MEIOB: variants seen among roughly 807,000 people sequenced by gnomAD.
The protein encoded by MEIOB is meiosis specific with OB-fold.
MEIOB carries 50 observed loss-of-function variants against 53.1 expected under a neutral mutation model. The ratio of observed to expected loss-of-function variants is 0.94; its 90% CI spans 0.75 to 1.19. MEIOB has a LOEUF of 1.19. MEIOB is among the 50% of genes most tolerant of loss of function. MEIOB has a pLI of 0.00. For synonymous variants in MEIOB, 192 were observed against 182.5 expected (o/e 1.05, Z -0.42); for missense variants, 551 against 550.8 (o/e 1.00, Z 0.00).
chr16:1,850,808 C>A (rs1899151533), intron 9 of MEIOB, among the ~76,000 whole-genome samples: 1 of 151,258 alleles, frequency 6.6e-6, no homozygotes, highest in African/African-American at 2.4e-5. Flanking sequence ...GTAGTCCCAG[C>A]TACTCGGGAG....
At position 1,835,689 on chromosome 16, in the gene MEIOB, G is replaced by T. The variant is rs553700563; in HGVS notation, c.1306-1323C>A. 2.6e-5 allele frequency among the ~76,000 whole-genome samples: 4 copies of T among 152,278 alleles called. No homozygotes were observed. The Middle Eastern group carries it at 0.01, about 388-fold the overall frequency. On this transcript the variant is annotated intron_variant, in intron 13 of 13. Coordinates refer to ENST00000325962, the MANE Select transcript of MEIOB (RefSeq NM_001163560.3). ...GACTGAGCTGTTTTAGAACTAGGTT[G>T]TAGAAAGCTGACAGTGATTCGAATG...
At chr16:1,860,020 G>A (rs540602217) in intron 5 of MEIOB, among the ~76,000 whole-genome samples, 1 of 152,194 alleles carries the variant, frequency 6.6e-6, no homozygotes, top group Admixed American at 6.5e-5. Flanking sequence ...ACTCCCACAA[G>A]AGTCCTCCTC....
intron 3 of MEIOB, among the ~76,000 whole-genome samples, chr16:1,865,171 C>A (rs1044476489): frequency 6.6e-6 from 1 of 152,050 alleles, no homozygotes; most frequent in Non-Finnish European, 1.5e-5. Context: ...GTGGCTCACA[C>A]CTGTAATTCC....
At chr16:1,862,563 C>T (rs779344540) in intron 3 of MEIOB, among the ~76,000 whole-genome samples, 6 of 152,164 alleles carry the variant, frequency 3.9e-5, no homozygotes, top group Non-Finnish European at 7.3e-5. Flanking sequence ...AAGGCTTCAG[C>T]GAACTGTGAT....
At chr16:1,846,821 G>A (rs1183540450) in intron 9 of MEIOB, among the ~76,000 whole-genome samples, 2 of 152,122 alleles carry the variant, frequency 1.3e-5, no homozygotes, top group Non-Finnish European at 2.9e-5. Context: ...GTGAGGGGAG[G>A]GAGAGCATCA....
In MEIOB at chr16:1,865,764, A is replaced by G; in HGVS notation, c.127+14T>C. 8 of 1,540,764 alleles carry G rather than the reference A, an allele frequency of 5.2e-6. No homozygotes were observed. The highest frequency in any genetic ancestry group is 6.1e-6 in the Non-Finnish European group (7 of 1,140,826). On this transcript the variant is annotated intron_variant, in intron 3 of 13. Coordinates refer to ENST00000325962, the MANE Select transcript of MEIOB (RefSeq NM_001163560.3). ...TTGATGAAAAATGAAACCAAGAGTT[A>G]AACAGAACTCAGCTTTTTCTGTCTG...
At chr16:1,841,749 G>T (rs1898916645) in intron 11 of MEIOB, 71 bp downstream of exon 11, 2 of 1,180,182 alleles carry the variant, frequency 1.7e-6, no homozygotes. Flanking sequence ...AACTTTTAGA[G>T]AGCTTAAAAT....
In MEIOB at chr16:1,840,552, T is replaced by A. The variant is rs922658073; in HGVS notation, c.1035-1114A>T. 5.7e-4 allele frequency among the ~76,000 whole-genome samples: 82 copies of A among 143,272 alleles called. 2 individuals are homozygous for A. The East Asian group carries it at 8.5e-3, about 15-fold the overall frequency. The allele number at this position is 143,272 out of a possible 152,430, so 94.0% of individuals were successfully genotyped here. On this transcript the variant is annotated intron_variant, in intron 11 of 13. Coordinates refer to ENST00000325962, the MANE Select transcript of MEIOB (RefSeq NM_001163560.3). ...AAGGGATCTCTCTTATTATTATTTTTTTTTTTTTTGAGACACAGTCTCGCT... is the reference window on the plus strand; with the variant it reads ...AAGGGATCTCTCTTATTATTATTTTATTTTTTTTTGAGACACAGTCTCGCT...
At chr16:1,843,587 A>T (rs1280684367) in intron 10 of MEIOB, 2 of 151,946 alleles carry the variant, frequency 1.3e-5, no homozygotes, top group Non-Finnish European at 2.9e-5. Context: ...AATCCCAGCT[A>T]CTTGGGAGGC....
Position 1,841,864 on chromosome 16 carries a change from T to G in MEIOB, c.990A>C (p.Thr330=), listed in dbSNP as rs111354301. The change falls in exon 11 of 14, where the codon ACA becomes ACC. Residue 330 remains threonine, a synonymous_variant. Coordinates refer to ENST00000325962, the MANE Select transcript of MEIOB (RefSeq NM_001163560.3). ...SYGILYAYIS[T]LNIDDETTKV... ...TTGTAGTTTCATCATCAATGTTGAG[T>G]GTGGAAATGTAGGCATAAAGGATGC... The G allele has an allele frequency of 2.9e-5, 46 of 1,604,628 alleles. 1 individual carries two copies. The African/African-American group carries it at 4.3e-4, about 15-fold the overall frequency.
intron 12 of MEIOB, 159 bp from the exon 13 acceptor site, chr16:1,838,029 C>G (rs922894271): frequency 1.2e-5 from 17 of 1,370,156 alleles, no homozygotes; most frequent in Non-Finnish European, 1.7e-5. Context: ...CAGGGTCTCA[C>G]TCTGTCGCCC....
intron 1 of MEIOB, among the ~76,000 whole-genome samples, chr16:1,870,493 G>A (rs935746780): frequency 2.0e-5 from 3 of 152,168 alleles, no homozygotes; most frequent in Non-Finnish European, 4.4e-5. Context: ...AGTCAAATAT[G>A]ATTTTGAATT....
chr16:1,853,988 C>A (rs1230925143), intron 7 of MEIOB, 112 bp downstream of exon 7: 19 of 679,624 alleles, frequency 2.8e-5, no homozygotes, highest in Non-Finnish European at 4.6e-5. Context: ...TATCATTCAT[C>A]TCCTATCATT....
At chr16:1,844,031 C>T (rs1032295680) in intron 10 of MEIOB, among the ~76,000 whole-genome samples, 1 of 151,360 alleles carries the variant, frequency 6.6e-6, no homozygotes, top group Non-Finnish European at 1.5e-5. Flanking sequence ...TGTCTTTATC[C>T]TTCTATTAGT....
intron 3 of MEIOB, among the ~76,000 whole-genome samples, chr16:1,864,786 A>ATG (rs1567281647): frequency 6.6e-6 from 1 of 151,714 alleles, no homozygotes; most frequent in East Asian, 1.9e-4. Flanking sequence ...TGTGCCTGGC[A>ATG]AAAAACCGTG....
Position 1,834,021 on chromosome 16 carries a change from AT to A in MEIOB, c.*234del. On this transcript the variant is annotated 3_prime_UTR_variant, in exon 14 of 14. Coordinates refer to ENST00000325962, the MANE Select transcript of MEIOB (RefSeq NM_001163560.3). ...AATCTGTTTATTAATTCATGTAAAC[AT>A]TTTCCAACTTGGGAGGAGACAAGGC... The A allele has an allele frequency of 2.6e-6, 1 of 391,546 alleles. No individual in the cohort carries two copies. The highest frequency in any genetic ancestry group is 4.5e-6 in the Non-Finnish European group (1 of 220,034). 24.3% of individuals were successfully genotyped at this position (391,546 alleles called of 1,614,324 possible). A position where few individuals can be genotyped will look rare whatever the true frequency, so the allele number is the denominator to read the frequency against.
intron 4 of MEIOB, among the ~76,000 whole-genome samples, chr16:1,860,848 G>A (rs966280406): frequency 5.9e-5 from 9 of 152,086 alleles, no homozygotes; most frequent in African/African-American, 2.2e-4. Flanking sequence ...ATATGATTAG[G>A]TTCTAAATAA....
intron 9 of MEIOB, among the ~76,000 whole-genome samples, chr16:1,846,216 G>A (rs547639069): frequency 6.6e-6 from 1 of 152,334 alleles, no homozygotes; most frequent in Admixed American, 6.5e-5. Context: ...ATGAATTGCT[G>A]TGCTTCAGAT....
intron 10 of MEIOB, 87 bp from the exon 11 acceptor site, chr16:1,842,060 G>T: frequency 1.1e-6 from 1 of 895,862 alleles, no homozygotes; most frequent in Non-Finnish European, 1.5e-6. Flanking sequence ...TGACAAATGA[G>T]AACATGCAGT....
Sources: allele counts gnomAD v4.1 joint callset (sites outside exome capture counted in the v4.1 genomes callset), GRCh38; gene constraint gnomAD v4.1.1; transcripts MANE v1.5; gene names NCBI Gene and HGNC (gene_info 2026-07-23, HGNC 2026-07-21).